The following HBS1L variants were observed in gnomAD, a reference collection of about 807,000 sequenced individuals.
The protein encoded by HBS1L is HBS1 like translational GTPase, also known as HBS1-like protein.
A neutral mutation model predicts 88.9 loss-of-function variants in HBS1L; 55 were observed. The observed-to-expected ratio is 0.62, with a 90% CI of 0.50 to 0.77. The LOEUF is 0.77. HBS1L is among the 30% of genes least tolerant of loss of function. The probability of loss-of-function intolerance (pLI) is 0.00; values close to 1 mark genes in which losing one functional copy is unlikely to be tolerated. For missense variants in HBS1L, 741 were observed against 829.3 expected (o/e 0.89, Z 1.31); for synonymous variants, 267 against 288.5 (o/e 0.93, Z 0.76).
intron 4 of HBS1L, among the ~76,000 whole-genome samples, chr6:135,005,667 G>A (rs1489804695): frequency 1.3e-5 from 2 of 152,208 alleles, no homozygotes; most frequent in Non-Finnish European, 2.9e-5. Flanking sequence ...AGAAGGTTTA[G>A]TTGAATAAAT....
At chr6:135,030,372 G>A (rs1583137236) in intron 4 of HBS1L, among the ~76,000 whole-genome samples, 1 of 152,042 alleles carries the variant, frequency 6.6e-6, no homozygotes, top group African/African-American at 2.4e-5. Context: ...TATCGAAACT[G>A]CAATTCAAAC....
At chr6:135,005,757 T>C (rs1281155213) in intron 4 of HBS1L, among the ~76,000 whole-genome samples, 3 of 152,208 alleles carry the variant, frequency 2.0e-5, no homozygotes, top group East Asian at 1.9e-4. Flanking sequence ...GAAACTGAGC[T>C]GAGACGGGAG....
intron 4 of HBS1L, among the ~76,000 whole-genome samples, chr6:135,027,810 C>T (rs182757857): frequency 9.2e-5 from 14 of 151,892 alleles, no homozygotes; most frequent in Non-Finnish European, 1.3e-4. Context: ...CTCTGTCGCC[C>T]GGGCTGGAGT....
At chr6:134,973,993 ATTC>A (rs768658545) in intron 15 of HBS1L, among the ~76,000 whole-genome samples, 10 of 152,108 alleles carry the variant, frequency 6.6e-5, no homozygotes, top group Non-Finnish European at 1.5e-4. Context: ...AGTCTAATCC[ATTC>A]TTCTATTATT....
chr6:134,994,097 C>A (rs1278466385), intron 7 of HBS1L, among the ~76,000 whole-genome samples: 1 of 151,910 alleles, frequency 6.6e-6, no homozygotes, highest in Non-Finnish European at 1.5e-5. Context: ...AAAGTAAGAG[C>A]TCAATAAAAA....
chr6:134,978,842 A>G, intron 14 of HBS1L, 55 bp from the exon 15 acceptor site: 2 of 1,026,298 alleles, frequency 1.9e-6, no homozygotes, highest in Non-Finnish European at 3.0e-6. Context: ...TTTACATCAA[A>G]TAGAAAGACC....
At chr6:135,024,982 A>G (rs910510206) in intron 4 of HBS1L, among the ~76,000 whole-genome samples, 1 of 152,164 alleles carries the variant, frequency 6.6e-6, no homozygotes, top group Non-Finnish European at 1.5e-5. Context: ...TCTTTAGGAC[A>G]AGGCCTGCTG....
At chr6:134,994,280 C>T (rs1775229323) in intron 7 of HBS1L, among the ~76,000 whole-genome samples, 1 of 151,984 alleles carries the variant, frequency 6.6e-6, no homozygotes, top group African/African-American at 2.4e-5. Context: ...TTATGCTTCA[C>T]TAATTATAGA....
chr6:135,028,566 C>T (rs948969406), intron 4 of HBS1L, among the ~76,000 whole-genome samples: 10 of 151,822 alleles, frequency 6.6e-5, no homozygotes, highest in African/African-American at 1.5e-4. Context: ...TTTGTAAAAC[C>T]ATCACAAGAA....
intron 4 of HBS1L, among the ~76,000 whole-genome samples, chr6:135,022,152 A>AATTTT (rs1338823897): frequency 6.6e-6 from 1 of 152,188 alleles, no homozygotes; most frequent in African/African-American, 2.4e-5. Context: ...GGCTAAGCTG[A>AATTTT]ATTTTATTTG....
At position 135,054,784 on chromosome 6, in the gene HBS1L, C is replaced by A. The variant is rs1047594368; in HGVS notation, c.-93G>T. 2.0e-6 allele frequency: 3 copies of A among 1,473,944 alleles called. No individual in the cohort carries two copies. The highest frequency in any genetic ancestry group is 1.8e-5 in the Admixed American group (1 of 54,732). The allele number at this position is 1,473,944 out of a possible 1,614,324, so 91.3% of individuals were successfully genotyped here. A position where few individuals can be genotyped will look rare whatever the true frequency, so the allele number is the denominator to read the frequency against. On this transcript the variant is annotated 5_prime_UTR_variant, in exon 1 of 18. Coordinates refer to ENST00000367837, the MANE Select transcript of HBS1L (RefSeq NM_006620.4). ...AGGCGCCAACTGCAGCCTGGAGAAC[C>A]CCTATGCGCCATCTTGGCTTCCCGC...
chr6:134,984,885 C>T (rs1233658269), intron 12 of HBS1L, among the ~76,000 whole-genome samples: 1 of 152,014 alleles, frequency 6.6e-6, no homozygotes, highest in Non-Finnish European at 1.5e-5. Flanking sequence ...TGTATGGTAT[C>T]TAACTCCTAA....
chr6:135,001,983 A>G (rs370489772), intron 5 of HBS1L, among the ~76,000 whole-genome samples: 7 of 151,924 alleles, frequency 4.6e-5, no homozygotes, highest in Admixed American at 2.0e-4. Flanking sequence ...ATAAAAATCT[A>G]TTGTTTATAG....
At chr6:135,052,675 G>T (rs1163695436) in intron 1 of HBS1L, among the ~76,000 whole-genome samples, 1 of 151,888 alleles carries the variant, frequency 6.6e-6, no homozygotes, top group East Asian at 1.9e-4. Context: ...ATATAAAGAT[G>T]AAGAGAATTC....
intron 5 of HBS1L, among the ~76,000 whole-genome samples, chr6:135,002,357 A>T (rs554854671): frequency 9.2e-5 from 14 of 152,338 alleles, no homozygotes; most frequent in African/African-American, 3.4e-4. Context: ...TTATTAAAAA[A>T]TTTAATTAAT....
At chr6:134,989,328 G>A (rs1217842875) in intron 8 of HBS1L, among the ~76,000 whole-genome samples, 1 of 152,028 alleles carries the variant, frequency 6.6e-6, no homozygotes, top group Non-Finnish European at 1.5e-5. Flanking sequence ...CCACTTTTCT[G>A]AAATCCAGGA....
rs115458424 is a variant in HBS1L at position 135,037,935 on chromosome 6, G to A, written c.430+1638C>T. 2.9e-3 allele frequency: 4,503 copies of A among 1,550,424 alleles called. 102 individuals carry two copies. The African/African-American group carries it at 0.048, about 16-fold the overall frequency. On this transcript the variant is annotated intron_variant, in intron 4 of 17. Transcript: ENST00000367837. ...TTCCTACTGAGCTAGCAAAATCAAA[G>A]GGTTTGCTACTATAATCCAAATGAT... is the stretch of plus-strand genomic sequence containing the variant.
chr6:135,004,798 T>C (rs1011090825), intron 4 of HBS1L, among the ~76,000 whole-genome samples: 1 of 152,124 alleles, frequency 6.6e-6, no homozygotes, highest in African/African-American at 2.4e-5. Flanking sequence ...CAGTTGAACA[T>C]GTTGGTTGAC....
At chr6:135,052,899 A>C (rs1777132084) in intron 1 of HBS1L, among the ~76,000 whole-genome samples, 1 of 152,240 alleles carries the variant, frequency 6.6e-6, no homozygotes, top group African/African-American at 2.4e-5. Flanking sequence ...TTTAGAACAC[A>C]AACTCTCTCT....
Sources: allele counts gnomAD v4.1 joint callset (sites outside exome capture counted in the v4.1 genomes callset), GRCh38; gene constraint gnomAD v4.1.1; transcripts MANE v1.5; gene names NCBI Gene and HGNC (gene_info 2026-07-23, HGNC 2026-07-21).